The following PLCB4 variants were observed in gnomAD, a reference collection of about 807,000 sequenced individuals.
PLCB4 encodes the protein phospholipase C beta 4.
A neutral mutation model predicts 178.8 loss-of-function variants in PLCB4; 77 were observed. That is an observed-to-expected ratio of 0.43 (90% CI 0.36 to 0.52). The LOEUF (loss-of-function observed/expected upper bound fraction) is 0.52. Ranked by LOEUF, PLCB4 falls within the 20% of genes least tolerant of loss-of-function variation. The pLI is 0.00. For missense variants in PLCB4, 1,024 were observed against 1,453.4 expected, an observed-to-expected ratio of 0.70 and a Z score of 4.80; for synonymous variants, 496 against 490.8, an observed-to-expected ratio of 1.01 and a Z score of -0.14.
intron 2 of PLCB4, among the ~76,000 whole-genome samples, chr20:9,202,705 G>A (rs986939830): frequency 6.6e-6 from 1 of 152,102 alleles, no homozygotes; most frequent in Non-Finnish European, 1.5e-5. Context: ...CTGGGATCTT[G>A]TCCTGCAACT....
At chr20:9,310,448 T>C (rs1429040924) in intron 4 of PLCB4, among the ~76,000 whole-genome samples, 4 of 152,158 alleles carry the variant, frequency 2.6e-5, no homozygotes, top group South Asian at 2.1e-4. Context: ...CAGTGTCTTA[T>C]GCCTGTAATC....
chr20:9,217,406 G>A lies in PLCB4; in HGVS notation c.-62G>A, dbSNP rs568090421. 4.6e-5 allele frequency: 7 copies of A among 152,322 alleles called. No individual in the cohort carries two copies. The South Asian group carries it at 1.0e-3, about 23-fold the overall frequency. 9.4% of individuals were successfully genotyped at this position (152,322 alleles called of 1,614,324 possible). Reference sequence around the variant, plus strand: ...CTGTTTCAGAGGACAGTGCTGCTGTGAGTTTGACGAAGTGGACATCACCTG... The same window carrying A: ...CTGTTTCAGAGGACAGTGCTGCTGTAAGTTTGACGAAGTGGACATCACCTG... On this transcript the variant is annotated 5_prime_UTR_variant, in exon 3 of 40. Transcript: ENST00000378473.
chr20:9,338,396 A>T (rs2148067755), intron 6 of PLCB4, among the ~76,000 whole-genome samples: 1 of 150,974 alleles, frequency 6.6e-6, no homozygotes, highest in Admixed American at 6.6e-5. Flanking sequence ...TCTAAATCAA[A>T]AATTTAGGCC....
chr20:9,215,053 C>G (rs982532712), intron 2 of PLCB4, among the ~76,000 whole-genome samples: 1 of 152,100 alleles, frequency 6.6e-6, no homozygotes, highest in African/African-American at 2.4e-5. Context: ...AATCAATGAG[C>G]TTTTTGGGAA....
intron 7 of PLCB4, among the ~76,000 whole-genome samples, chr20:9,347,983 C>A (rs920561462): frequency 6.6e-6 from 1 of 152,074 alleles, no homozygotes; most frequent in Admixed American, 6.6e-5. Flanking sequence ...AAAAACAAAA[C>A]AAACAAACAA....
At chr20:9,175,250 C>T (rs1038335250) in intron 2 of PLCB4, among the ~76,000 whole-genome samples, 4 of 152,142 alleles carry the variant, frequency 2.6e-5, no homozygotes, top group Admixed American at 6.5e-5. Context: ...GTTTAAGAAA[C>T]ATCAGTGTTT....
chr20:9,414,808 G>C (rs755445023), intron 25 of PLCB4, among the ~76,000 whole-genome samples: 1 of 152,196 alleles, frequency 6.6e-6, no homozygotes, highest in Admixed American at 6.5e-5. Flanking sequence ...AAACAAAATA[G>C]TGTAAATTAA....
At chr20:9,339,825 T>C (rs1244572888) in intron 7 of PLCB4, among the ~76,000 whole-genome samples, 4 of 152,186 alleles carry the variant, frequency 2.6e-5, no homozygotes, top group Non-Finnish European at 5.9e-5. Flanking sequence ...ATCAGTCTTT[T>C]AATACCATAT....
intron 2 of PLCB4, among the ~76,000 whole-genome samples, chr20:9,155,864 T>C (rs1444652682): frequency 1.3e-5 from 2 of 152,188 alleles, no homozygotes; most frequent in Non-Finnish European, 2.9e-5. Context: ...GTGCCCACTT[T>C]AGCTCTTTCT....
chr20:9,332,643 T>C (rs779590403), intron 4 of PLCB4, among the ~76,000 whole-genome samples: 7 of 152,156 alleles, frequency 4.6e-5, no homozygotes, highest in Non-Finnish European at 1.0e-4. Flanking sequence ...TCTTAACAAC[T>C]GATACGTTTT....
chr20:9,082,119 T>C lies in PLCB4; in HGVS notation c.-135+12913T>C, dbSNP rs1267742318. On this transcript the variant is annotated intron_variant, in intron 1 of 39. Coordinates refer to ENST00000378473, the MANE Select transcript of PLCB4 (RefSeq NM_001377142.1). ...TTATAACCTGGAATTAGAAAAAAAA[T>C]TTCTTATTTCAAACTTGGTTGGAAA... Among the ~76,000 whole-genome samples, 4 of 152,156 alleles carry C rather than the reference T, an allele frequency of 2.6e-5. No homozygotes were observed. The East Asian group carries it at 7.7e-4, about 29-fold the overall frequency.
chr20:9,432,717 C>T (rs2041507854), intron 28 of PLCB4, among the ~76,000 whole-genome samples: 2 of 152,140 alleles, frequency 1.3e-5, no homozygotes, highest in African/African-American at 2.4e-5. Context: ...TTAATCATGC[C>T]CACTTCATGG....
At chr20:9,395,758 G>A (rs1275154120) in intron 19 of PLCB4, 140 bp downstream of exon 19, 1 of 568,616 alleles carries the variant, frequency 1.8e-6, no homozygotes, top group African/African-American at 1.9e-5. Flanking sequence ...GAGCCCAGGA[G>A]TTCAAGACCA....
Position 9,121,967 on chromosome 20 carries a change from A to T in PLCB4, c.-79+25625A>T, listed in dbSNP as rs2091973164. 2.0e-5 allele frequency among the ~76,000 whole-genome samples: 3 copies of T among 152,210 alleles called. No homozygotes were observed. In the East Asian group the frequency reaches 5.8e-4, roughly 29 times the overall value. ...TCCTGTCAACTTTGCTTTCCTCAGG[A>T]CTTTCAAATAGAAATGTTATTAAAT... On this transcript the variant is annotated intron_variant, in intron 2 of 39. Transcript: ENST00000378473.
At chr20:9,468,381 A>G (rs1343071787) in intron 35 of PLCB4, among the ~76,000 whole-genome samples, 190 bp from the exon 36 acceptor site, 4 of 152,180 alleles carry the variant, frequency 2.6e-5, no homozygotes, top group African/African-American at 9.6e-5. Flanking sequence ...TTATGTCTAT[A>G]TATATAAAAT....
chr20:9,468,342 A>G (rs924077066), intron 35 of PLCB4, among the ~76,000 whole-genome samples: 14 of 152,184 alleles, frequency 9.2e-5, no homozygotes, highest in African/African-American at 3.1e-4. Context: ...CTATAAACAG[A>G]AGTATTTTTG....
intron 1 of PLCB4, among the ~76,000 whole-genome samples, chr20:9,081,140 C>T (rs1387238461): frequency 6.6e-6 from 1 of 152,200 alleles, no homozygotes; most frequent in Non-Finnish European, 1.5e-5. Context: ...AGATCTTGCT[C>T]TCAGGAGTTT....
At chr20:9,437,660 G>A (rs1291088059) in intron 30 of PLCB4, among the ~76,000 whole-genome samples, 1 of 152,330 alleles carries the variant, frequency 6.6e-6, no homozygotes, top group Non-Finnish European at 1.5e-5. Context: ...AGTGGGCAGG[G>A]AGAATGCTGA....
intron 26 of PLCB4, among the ~76,000 whole-genome samples, chr20:9,420,891 A>G (rs1387129870): frequency 6.6e-6 from 1 of 152,176 alleles, no homozygotes; most frequent in Non-Finnish European, 1.5e-5. Context: ...TCTTTTCAAG[A>G]CTTCTAAAAG....
Sources: gnomAD v4.1 joint callset for allele counts (sites outside exome capture counted in the v4.1 genomes callset) on GRCh38, gnomAD v4.1.1 for gene constraint, MANE v1.5 for transcripts, NCBI Gene and HGNC (gene_info 2026-07-23, HGNC 2026-07-21) for gene names.